Variants in AFF3 observed in about 807,000 individuals in gnomAD.
AFF3 encodes ALF transcription elongation factor 3, also known as AF4/FMR2 family member 3.
Under a neutral mutation model 129.7 loss-of-function variants are expected in AFF3, and 32 were observed. The ratio of observed to expected loss-of-function variants is 0.25; its 90% CI spans 0.19 to 0.33. AFF3 has a LOEUF of 0.33. Among genes scored for constraint, AFF3 ranks in the 10% least tolerant of loss-of-function variants. The probability of loss-of-function intolerance (pLI) is 1.00; values close to 1 mark genes in which losing one functional copy is unlikely to be tolerated. For missense variants in AFF3, 1,373 were observed against 1,592.0 expected (o/e 0.86, Z 2.34); for synonymous variants, 644 against 635.4 (o/e 1.01, Z -0.20).
chr2:99,628,342 T>G (rs918043588), intron 13 of AFF3, among the ~76,000 whole-genome samples: 2 of 152,158 alleles, frequency 1.3e-5, no homozygotes, highest in African/African-American at 2.4e-5. Flanking sequence ...TGGGAGTTCA[T>G]GATTTGGCTC....
At chr2:99,603,094 C>G (rs1407036069) in intron 13 of AFF3, among the ~76,000 whole-genome samples, 1 of 152,204 alleles carries the variant, frequency 6.6e-6, no homozygotes, top group Non-Finnish European at 1.5e-5. Flanking sequence ...CACATTTATG[C>G]CTTGCCTGAG....
chr2:99,775,165 A>AAGAC (rs1255888023), intron 8 of AFF3, among the ~76,000 whole-genome samples: 2 of 152,196 alleles, frequency 1.3e-5, no homozygotes, highest in African/African-American at 4.8e-5. Flanking sequence ...ACCATCGTGG[A>AAGAC]AGACAGTGTG....
intron 4 of AFF3, among the ~76,000 whole-genome samples, chr2:100,024,724 T>A (rs1393002240): frequency 6.6e-6 from 1 of 152,132 alleles, no homozygotes; most frequent in African/African-American, 2.4e-5. Flanking sequence ...AATAGAAGAC[T>A]GTAGACATTG....
chr2:99,699,857 C>G (rs1037359180), intron 11 of AFF3, among the ~76,000 whole-genome samples: 1 of 152,172 alleles, frequency 6.6e-6, no homozygotes, highest in Non-Finnish European at 1.5e-5. Context: ...GAAAGGGAAT[C>G]GAGGGATAAA....
intron 7 of AFF3, among the ~76,000 whole-genome samples, chr2:99,987,035 C>T (rs1679937019): frequency 6.6e-6 from 1 of 152,180 alleles, no homozygotes; most frequent in African/African-American, 2.4e-5. Flanking sequence ...TAATCACACA[C>T]ACTTTGCTCT....
At chr2:99,735,858 T>C (rs997810769) in intron 10 of AFF3, among the ~76,000 whole-genome samples, 1 of 152,250 alleles carries the variant, frequency 6.6e-6, no homozygotes, top group Non-Finnish European at 1.5e-5. Flanking sequence ...TCCTCCAGTT[T>C]TAATATTAGG....
intron 7 of AFF3, among the ~76,000 whole-genome samples, chr2:99,920,736 G>A (rs896875495): frequency 6.6e-6 from 1 of 151,910 alleles, no homozygotes; most frequent in Non-Finnish European, 1.5e-5. Context: ...GTACAGATTG[G>A]AAAGGAAGAA....
At chr2:99,807,509 A>C (rs1686446571) in intron 8 of AFF3, among the ~76,000 whole-genome samples, 1 of 152,210 alleles carries the variant, frequency 6.6e-6, no homozygotes, top group South Asian at 2.1e-4. Context: ...CAATTCATAA[A>C]TTCTACTCCG....
chr2:99,746,444 G>A (rs1681164426), intron 9 of AFF3, among the ~76,000 whole-genome samples: 2 of 152,182 alleles, frequency 1.3e-5, no homozygotes, highest in African/African-American at 4.8e-5. Context: ...GGTGGGCAGA[G>A]GTTGGGTAGG....
At chr2:99,558,851 T>C (rs1675201879) in intron 22 of AFF3, 24 bp downstream of exon 22, 4 of 1,605,640 alleles carry the variant, frequency 2.5e-6, no homozygotes, top group Admixed American at 1.7e-5. Flanking sequence ...TAAGGAACAA[T>C]TCTGCTCATT....
intron 8 of AFF3, among the ~76,000 whole-genome samples, chr2:99,797,850 A>C (rs1010615255): frequency 2.0e-5 from 3 of 152,174 alleles, no homozygotes; most frequent in Admixed American, 2.0e-4. Context: ...AGACATTTTC[A>C]GATATGCAAC....
intron 11 of AFF3, among the ~76,000 whole-genome samples, chr2:99,724,103 G>A (rs1679143885): frequency 6.6e-6 from 1 of 151,900 alleles, no homozygotes; most frequent in South Asian, 2.1e-4. Context: ...AGCCCTACCA[G>A]ATCAGTATGC....
At chr2:99,737,091 C>T (rs1273071889) in intron 10 of AFF3, among the ~76,000 whole-genome samples, 1 of 152,040 alleles carries the variant, frequency 6.6e-6, no homozygotes, top group Admixed American at 6.5e-5. Flanking sequence ...AGTGGGTACC[C>T]TACAAATTGC....
intron 2 of AFF3, among the ~76,000 whole-genome samples, chr2:100,126,422 T>C (rs1692194698): frequency 6.6e-6 from 1 of 152,182 alleles, no homozygotes; most frequent in Non-Finnish European, 1.5e-5. Context: ...GAAATAGATG[T>C]GGATGCACAC....
At chr2:99,936,670 G>T (rs1441069328) in intron 7 of AFF3, among the ~76,000 whole-genome samples, 1 of 152,194 alleles carries the variant, frequency 6.6e-6, no homozygotes, top group East Asian at 1.9e-4. Context: ...GCAGGAGGGT[G>T]CATTCATTTT....
chr2:99,863,541 G>T (rs1252243822), intron 7 of AFF3, among the ~76,000 whole-genome samples: 1 of 152,170 alleles, frequency 6.6e-6, no homozygotes, highest in Non-Finnish European at 1.5e-5. Context: ...GGATTCCTCT[G>T]ATTTATGATT....
chr2:100,056,175 T>TG (rs1189482288), intron 4 of AFF3, among the ~76,000 whole-genome samples: 8 of 152,162 alleles, frequency 5.3e-5, no homozygotes, highest in African/African-American at 1.9e-4. Context: ...CCATCTTGTC[T>TG]GTGACACCAG....
At chr2:99,648,885 G>GCACACACACA (rs1185084808) in intron 13 of AFF3, among the ~76,000 whole-genome samples, 4 of 93,760 alleles carry the variant, frequency 4.3e-5, no homozygotes, top group Admixed American at 3.8e-4. Context: ...AAACACGCGC[G>GCACACACACA]CACACACACA....
rs1016545292 is a variant in AFF3 at position 99,551,251 on chromosome 2, G to A, written c.*223C>T. 2 of 596,996 alleles carry A rather than the reference G, an allele frequency of 3.4e-6. No homozygotes were observed. The highest frequency in any genetic ancestry group is 5.8e-6 in the Non-Finnish European group (2 of 344,514). 37.0% of individuals were successfully genotyped at this position (596,996 alleles called of 1,614,324 possible). On this transcript the variant is annotated 3_prime_UTR_variant, in exon 25 of 25. Coordinates refer to ENST00000672756, the MANE Select transcript of AFF3 (RefSeq NM_001386135.1). ...GGATTATGGAAACTAGACAAAGAAG[G>A]TGTGTTCTGAAGAGCTGTGTATCTT...
Sources: allele counts gnomAD v4.1 joint callset (sites outside exome capture counted in the v4.1 genomes callset), GRCh38; gene constraint gnomAD v4.1.1; transcripts MANE v1.5; gene names NCBI Gene and HGNC (gene_info 2026-07-23, HGNC 2026-07-21).